The following NFIA variants were observed in gnomAD, a reference collection of about 807,000 sequenced individuals.
NFIA encodes nuclear factor 1 A-type.
Under a neutral mutation model 62.8 loss-of-function variants are expected in NFIA, and 8 were observed. That is an observed-to-expected ratio of 0.13 (90% confidence interval 0.07 to 0.23). The LOEUF is 0.23. NFIA is among the 10% of genes least tolerant of loss of function. NFIA has a pLI of 1.00. For synonymous variants in NFIA, 235 were observed against 238.1 expected (o/e 0.99, Z 0.12); for missense variants, 410 against 642.1 (o/e 0.64, Z 3.91).
intron 6 of NFIA, among the ~76,000 whole-genome samples, chr1:61,366,145 C>G (rs1297446529): frequency 6.6e-6 from 1 of 152,090 alleles, no homozygotes; most frequent in Non-Finnish European, 1.5e-5. Context: ...GTTCTGTGAG[C>G]CTTTCTCAGG....
At chr1:61,154,457 T>C (rs1471784599) in intron 2 of NFIA, among the ~76,000 whole-genome samples, 1 of 151,992 alleles carries the variant, frequency 6.6e-6, no homozygotes, top group Non-Finnish European at 1.5e-5. Flanking sequence ...CACCCGGCCT[T>C]ATTTTATTTT....
chr1:61,144,213 C>G (rs1647755094), intron 2 of NFIA, among the ~76,000 whole-genome samples: 1 of 152,162 alleles, frequency 6.6e-6, no homozygotes. Flanking sequence ...GTTAGCAGTG[C>G]AAATGTTGGT....
At chr1:61,208,286 T>C (rs1354551020) in intron 2 of NFIA, among the ~76,000 whole-genome samples, 1 of 152,202 alleles carries the variant, frequency 6.6e-6, no homozygotes. Context: ...TTTATCATTT[T>C]TTCTGCCATA....
At chr1:61,153,721 T>C (rs1307064102) in intron 2 of NFIA, among the ~76,000 whole-genome samples, 2 of 152,234 alleles carry the variant, frequency 1.3e-5, no homozygotes, top group African/African-American at 4.8e-5. Flanking sequence ...AGACATGTGA[T>C]AGACAAAGGA....
At chr1:61,182,605 G>A (rs890906659) in intron 2 of NFIA, among the ~76,000 whole-genome samples, 11 of 152,094 alleles carry the variant, frequency 7.2e-5, no homozygotes, top group East Asian at 5.8e-4. Flanking sequence ...AAATGTTTCC[G>A]TTAAACAAAT....
At chr1:61,352,785 G>A (rs61770525) in intron 5 of NFIA, among the ~76,000 whole-genome samples, 55 of 115,824 alleles carry the variant, frequency 4.7e-4, no homozygotes, top group Admixed American at 8.9e-4. Flanking sequence ...ACACACACAC[G>A]CACACACACT....
At chr1:61,078,964 C>T (rs773104897), upstream of NFIA, among the ~76,000 whole-genome samples, 2 of 152,150 alleles carry the variant, frequency 1.3e-5, no homozygotes, top group Non-Finnish European at 2.9e-5. Flanking sequence ...CTCTGAGCAG[C>T]GTAGACACCC....
chr1:61,246,228 T>C (rs1322290596), intron 2 of NFIA, among the ~76,000 whole-genome samples: 1 of 152,184 alleles, frequency 6.6e-6, no homozygotes, highest in Non-Finnish European at 1.5e-5. Context: ...GAACTGGAAC[T>C]CCTTTACAAG....
chr1:61,209,017 G>A (rs747302643), intron 2 of NFIA, among the ~76,000 whole-genome samples: 13 of 152,092 alleles, frequency 8.5e-5, no homozygotes, highest in Non-Finnish European at 1.5e-4. Flanking sequence ...AGCGCTGCCT[G>A]GGAGGAGGAT....
At chr1:61,357,557 A>G (rs1445229634) in intron 5 of NFIA, among the ~76,000 whole-genome samples, 1 of 152,130 alleles carries the variant, frequency 6.6e-6, no homozygotes, top group African/African-American at 2.4e-5. Flanking sequence ...AAGATAGCTC[A>G]GGAGCCATTT....
chr1:61,442,437 A>C (rs2100576422), intron 10 of NFIA, among the ~76,000 whole-genome samples: 1 of 152,350 alleles, frequency 6.6e-6, no homozygotes, highest in East Asian at 1.9e-4. Flanking sequence ...ATCAACTATT[A>C]AATCAACTAT....
intron 3 of NFIA, among the ~76,000 whole-genome samples, chr1:61,295,114 C>T (rs1363000801): frequency 2.6e-5 from 4 of 152,152 alleles, no homozygotes; most frequent in Non-Finnish European, 4.4e-5. Context: ...CTGGGTCTTC[C>T]GTCTACGTCA....
In NFIA at chr1:61,236,264, C is replaced by T. The variant is rs367872813; in HGVS notation, c.560-41256C>T. Among the ~76,000 whole-genome samples the T allele has an allele frequency of 2.6e-5, 4 of 152,024 alleles. No homozygotes were observed. In the East Asian group the frequency reaches 5.8e-4, roughly 22 times the overall value. On this transcript the variant is annotated intron_variant, in intron 2 of 10. Transcript: ENST00000403491. ...ATTTAGAGCTGACAAACCCAGTAGCCATCTGAGAGAGTTCTTTAGCTAAAT... is the reference window on the plus strand; with the variant it reads ...ATTTAGAGCTGACAAACCCAGTAGCTATCTGAGAGAGTTCTTTAGCTAAAT...
intron 3 of NFIA, among the ~76,000 whole-genome samples, chr1:61,308,803 G>C (rs1659938024): frequency 6.6e-6 from 1 of 152,166 alleles, no homozygotes; most frequent in Admixed American, 6.5e-5. Context: ...CACTATTGCT[G>C]TTCCTGCTGT....
At chr1:61,324,135 T>G (rs1300353364) in intron 3 of NFIA, among the ~76,000 whole-genome samples, 1 of 152,152 alleles carries the variant, frequency 6.6e-6, no homozygotes, top group African/African-American at 2.4e-5. Context: ...AAATTAAAAT[T>G]CCAAGGAGGG....
intron 10 of NFIA, among the ~76,000 whole-genome samples, chr1:61,432,219 ATTTTTT>A (rs10719480): frequency 7.8e-6 from 1 of 129,022 alleles, no homozygotes. Flanking sequence ...ACTTTTCCCT[ATTTTTT>A]TTTTTTTTTT....
chr1:61,375,983 G>A (rs141170831), intron 6 of NFIA, among the ~76,000 whole-genome samples: 110 of 152,210 alleles, frequency 7.2e-4, no homozygotes, highest in African/African-American at 2.4e-3. Flanking sequence ...AAACATTCAT[G>A]TTGCCAAATC....
intron 6 of NFIA, among the ~76,000 whole-genome samples, chr1:61,367,031 C>A (rs573964406): frequency 1.4e-4 from 22 of 152,300 alleles, no homozygotes; most frequent in African/African-American, 5.1e-4. Flanking sequence ...AAGAATATTT[C>A]GGTAAACATC....
chr1:61,376,419 T>C (rs567554113), intron 6 of NFIA, among the ~76,000 whole-genome samples: 2 of 152,306 alleles, frequency 1.3e-5, no homozygotes, highest in South Asian at 4.1e-4. Context: ...TATATACTCT[T>C]TTGCAACTCA....
Sources: allele counts gnomAD v4.1 joint callset (sites outside exome capture counted in the v4.1 genomes callset), GRCh38; gene constraint gnomAD v4.1.1; transcripts MANE v1.5; gene names NCBI Gene and HGNC (gene_info 2026-07-23, HGNC 2026-07-21).